Variants in KCNIP1 observed in about 807,000 individuals in gnomAD.
KCNIP1 encodes A-type potassium channel modulatory protein KCNIP1.
A neutral mutation model predicts 33.0 loss-of-function variants in KCNIP1; 18 were observed. The observed-to-expected ratio is 0.55, with a 90% CI of 0.38 to 0.81. The LOEUF is 0.81. Among genes scored for constraint, KCNIP1 ranks in the 30% least tolerant of loss-of-function variants. The pLI is 0.00. For synonymous variants in KCNIP1, 93 were observed against 98.3 expected (o/e 0.95, Z 0.32); for missense variants, 238 against 271.6 (o/e 0.88, Z 0.87).
intron 1 of KCNIP1, among the ~76,000 whole-genome samples, chr5:170,414,767 C>T (rs1755283522): frequency 1.3e-5 from 2 of 152,228 alleles, no homozygotes; most frequent in South Asian, 4.1e-4. Context: ...TACTTGCTAT[C>T]CCTTCTCTAT....
chr5:170,363,714 A>T (rs996592201), intron 1 of KCNIP1, among the ~76,000 whole-genome samples: 2 of 152,226 alleles, frequency 1.3e-5, no homozygotes, highest in Admixed American at 6.5e-5. Context: ...AAACATATAT[A>T]ACATTAAATT....
intron 1 of KCNIP1, among the ~76,000 whole-genome samples, chr5:170,399,409 G>A (rs1754838769): frequency 6.6e-6 from 1 of 152,134 alleles, no homozygotes; most frequent in Admixed American, 6.5e-5. Flanking sequence ...TTAAACCAGA[G>A]GCCTGGTAAA....
intron 1 of KCNIP1, among the ~76,000 whole-genome samples, chr5:170,519,216 A>T (rs1395604243): frequency 7.2e-5 from 11 of 152,218 alleles, no homozygotes; most frequent in Non-Finnish European, 1.3e-4. Flanking sequence ...ATATGGGTCA[A>T]TAATGATAGA....
intron 5 of KCNIP1, among the ~76,000 whole-genome samples, chr5:170,729,064 G>T (rs1315517457): frequency 6.6e-6 from 1 of 151,894 alleles, no homozygotes; most frequent in African/African-American, 2.4e-5. Flanking sequence ...TGGAAAACTG[G>T]TTAACTATTT....
intron 1 of KCNIP1, chr5:170,354,105 T>C (rs1440002719): frequency 2.5e-6 from 2 of 810,580 alleles, no homozygotes. Context: ...GGATTCGAGG[T>C]TGCTGACAAC....
intron 1 of KCNIP1, among the ~76,000 whole-genome samples, chr5:170,709,459 C>A (rs866409970): frequency 1.3e-5 from 2 of 152,224 alleles, no homozygotes; most frequent in Middle Eastern, 6.8e-3. Context: ...CATAGCTGTG[C>A]CAGTGTTTCT....
chr5:170,662,998 T>C (rs1249330857), intron 1 of KCNIP1, among the ~76,000 whole-genome samples: 1 of 152,226 alleles, frequency 6.6e-6, no homozygotes, highest in Non-Finnish European at 1.5e-5. Flanking sequence ...GGCATTTGCC[T>C]AAAAGCCACC....
intron 1 of KCNIP1, among the ~76,000 whole-genome samples, chr5:170,513,651 G>C (rs1319481550): frequency 6.6e-6 from 1 of 152,222 alleles, no homozygotes; most frequent in African/African-American, 2.4e-5. Flanking sequence ...CCAGAACAGG[G>C]TGCAGGACAG....
At chr5:170,570,353 T>C (rs1757360924) in intron 1 of KCNIP1, among the ~76,000 whole-genome samples, 1 of 152,176 alleles carries the variant, frequency 6.6e-6, no homozygotes, top group African/African-American at 2.4e-5. Flanking sequence ...ATGAAGCACC[T>C]GGGAGAAGGA....
At chr5:170,462,264 C>CAAAAAAAAAAA (rs760686464) in intron 1 of KCNIP1, among the ~76,000 whole-genome samples, 2 of 52,044 alleles carry the variant, frequency 3.8e-5, no homozygotes, top group Non-Finnish European at 7.0e-5. Flanking sequence ...AACAAATTAG[C>CAAAAAAAAAAA]AAAAAAAAAA....
intron 1 of KCNIP1, among the ~76,000 whole-genome samples, chr5:170,613,785 G>A (rs933758685): frequency 2.6e-5 from 4 of 152,166 alleles, no homozygotes; most frequent in South Asian, 2.1e-4. Context: ...ATTAGACCAC[G>A]AAGGATGACA....
rs147898593 is a variant in KCNIP1 at position 170,558,031 on chromosome 5, G to A, written c.61+53398G>A. Among the ~76,000 whole-genome samples, 705 of 152,300 alleles carry A rather than the reference G, an allele frequency of 4.6e-3. 5 individuals are homozygous for A. Among genetic ancestry groups the A allele is most frequent in the African/African-American group, 0.016 (667 of 41,562 alleles). On this transcript the variant is annotated intron_variant, in intron 1 of 7. Transcript: ENST00000328939. ...TCTACTAGGAAATTATTGGCATTCTGGTTTAGGAGAGAGGACTTGACGGGA... is the reference window on the plus strand; with the variant it reads ...TCTACTAGGAAATTATTGGCATTCTAGTTTAGGAGAGAGGACTTGACGGGA...
At chr5:170,677,466 T>C (rs1409614804) in intron 1 of KCNIP1, among the ~76,000 whole-genome samples, 4 of 152,180 alleles carry the variant, frequency 2.6e-5, no homozygotes, top group African/African-American at 4.8e-5. Flanking sequence ...ACTGGCTCCT[T>C]TTGGAGCTTG....
intron 1 of KCNIP1, among the ~76,000 whole-genome samples, chr5:170,670,916 A>AT (rs1561754446): frequency 9.4e-5 from 5 of 53,130 alleles, no homozygotes; most frequent in East Asian, 5.9e-4. Context: ...AAAAAAAATA[A>AT]AAAAAAAAGA....
chr5:170,428,382 T>G (rs1270172602), intron 1 of KCNIP1, among the ~76,000 whole-genome samples: 1 of 151,934 alleles, frequency 6.6e-6, no homozygotes, highest in African/African-American at 2.4e-5. Context: ...AAGTACACAT[T>G]ACTCACCCAT....
At chr5:170,708,337 G>A (rs1011905583) in intron 1 of KCNIP1, among the ~76,000 whole-genome samples, 2 of 152,198 alleles carry the variant, frequency 1.3e-5, no homozygotes, top group Non-Finnish European at 2.9e-5. Context: ...AATGTCTAAT[G>A]TAGTCAATAT....
chr5:170,390,524 A>ATATATATATATATATATATATATC (rs1754539633), intron 1 of KCNIP1, among the ~76,000 whole-genome samples: 1 of 131,384 alleles, frequency 7.6e-6, no homozygotes, highest in African/African-American at 3.0e-5. Context: ...ACAAATATAT[A>ATATATATATATATATATATATATC]TATATATATA....
intron 1 of KCNIP1, among the ~76,000 whole-genome samples, chr5:170,445,145 A>C (rs1756082807): frequency 6.6e-6 from 1 of 152,208 alleles, no homozygotes; most frequent in Admixed American, 6.5e-5. Context: ...CAGCTCTGTC[A>C]CTGCAGGCGG....
chr5:170,723,284 G>C (rs1194842959), intron 5 of KCNIP1, among the ~76,000 whole-genome samples: 1 of 152,178 alleles, frequency 6.6e-6, no homozygotes, highest in Non-Finnish European at 1.5e-5. Flanking sequence ...CAACCGCCAA[G>C]GGGGTAATGG....
Sources: allele counts gnomAD v4.1 joint callset (sites outside exome capture counted in the v4.1 genomes callset), GRCh38; gene constraint gnomAD v4.1.1; transcripts MANE v1.5; gene names NCBI Gene and HGNC (gene_info 2026-07-23, HGNC 2026-07-21).